LAMC1: variants seen among roughly 807,000 people sequenced by gnomAD.
LAMC1 encodes laminin subunit gamma-1.
Under a neutral mutation model 173.6 loss-of-function variants are expected in LAMC1, and 38 were observed. The observed-to-expected ratio is 0.22, with a 90% confidence interval of 0.17 to 0.29. The LOEUF is 0.29. LAMC1 is among the 10% of genes least tolerant of loss of function. LAMC1 has a pLI of 1.00. For missense variants in LAMC1, 1,824 were observed against 2,051.8 expected (o/e 0.89, Z 2.14); for synonymous variants, 746 against 749.1 (o/e 1.00, Z 0.07).
At position 183,024,019 on chromosome 1, in the gene LAMC1, C is replaced by T. The variant is rs751773899; in HGVS notation, c.303C>T (p.His101=). The T allele has an allele frequency of 1.6e-5, 26 of 1,612,936 alleles. No individual in the cohort carries two copies. The Admixed American group carries it at 2.8e-4, about 18-fold the overall frequency. Reference sequence around the variant, plus strand: ...ACGCCGGGCAGCCCCACCTGCAGCACGGGGCAGCCTTCCTGACCGACTACA... The same window carrying T: ...ACGCCGGGCAGCCCCACCTGCAGCATGGGGCAGCCTTCCTGACCGACTACA... ...LCDAGQPHLQ[H]GAAFLTDYNN... is the part of the protein sequence containing the mutation. Residue 101 remains histidine (H), a synonymous_variant, in exon 1 of 28, where the codon CAC becomes CAT. Transcript: ENST00000258341.
chr1:183,123,359 C>G (rs1482917756), intron 13 of LAMC1, among the ~76,000 whole-genome samples: 1 of 152,154 alleles, frequency 6.6e-6, no homozygotes, highest in Non-Finnish European at 1.5e-5. Context: ...ACAATGGCTC[C>G]AATCTCAACA....
intron 1 of LAMC1, among the ~76,000 whole-genome samples, chr1:183,062,310 T>C (rs1434177546): frequency 2.0e-5 from 3 of 152,232 alleles, no homozygotes; most frequent in Admixed American, 1.3e-4. Context: ...TGTGGAACTT[T>C]AATAGCTTTT....
At chr1:183,074,892 C>G (rs1164217722) in intron 1 of LAMC1, among the ~76,000 whole-genome samples, 1 of 152,036 alleles carries the variant, frequency 6.6e-6, no homozygotes, top group African/African-American at 2.4e-5. Flanking sequence ...ATTTATCTAC[C>G]TTGGGTATAT....
At chr1:183,034,419 C>T (rs928402090) in intron 1 of LAMC1, among the ~76,000 whole-genome samples, 1 of 152,154 alleles carries the variant, frequency 6.6e-6, no homozygotes, top group African/African-American at 2.4e-5. Context: ...TCTACAGGTG[C>T]ATGACACCAT....
At chr1:183,034,044 A>T (rs1011837746) in intron 1 of LAMC1, among the ~76,000 whole-genome samples, 3 of 152,138 alleles carry the variant, frequency 2.0e-5, no homozygotes, top group Non-Finnish European at 2.9e-5. Flanking sequence ...ATCTGAAAAG[A>T]TCTACCCACT....
In LAMC1 at chr1:183,114,546, G is replaced by T. The variant is rs1656262944; in HGVS notation, c.1037G>T (p.Gly346Val). Residue 346 changes from glycine (G) to valine (V), a missense_variant, in exon 5 of 28, where the codon GGT (glycine) becomes GTT (valine). By Grantham distance (109) the Gly-to-Val change is moderately radical (BLOSUM62 -3). Coordinates refer to ENST00000258341, the MANE Select transcript of LAMC1 (RefSeq NM_002293.4). The part of the protein sequence containing the change: ...ASECLPCDCN[G>V]RSQECYFDPE... Reference sequence around the variant, plus strand: ...TGACTGACAGCCTGTGATTGCAATGGTCGATCCCAGGAATGCTACTTCGAC... The same window carrying T: ...TGACTGACAGCCTGTGATTGCAATGTTCGATCCCAGGAATGCTACTTCGAC... 6.2e-7 allele frequency: 1 copy of T among 1,614,182 alleles called. No homozygotes were observed. The highest frequency in any genetic ancestry group is 2.2e-5 in the East Asian group (1 of 44,884).
At chr1:183,032,872 A>G (rs1290625908) in intron 1 of LAMC1, among the ~76,000 whole-genome samples, 1 of 152,140 alleles carries the variant, frequency 6.6e-6, no homozygotes, top group African/African-American at 2.4e-5. Context: ...GTTAATGACC[A>G]GTCTCTTTTT....
intron 11 of LAMC1, among the ~76,000 whole-genome samples, chr1:183,120,556 A>G (rs1656442910): frequency 6.6e-6 from 1 of 152,240 alleles, no homozygotes; most frequent in Admixed American, 6.5e-5. Flanking sequence ...CATGAAAAAT[A>G]CGCTTTAAGC....
intron 1 of LAMC1, among the ~76,000 whole-genome samples, chr1:183,067,747 C>T (rs1654911546): frequency 6.6e-6 from 1 of 152,120 alleles, no homozygotes; most frequent in Non-Finnish European, 1.5e-5. Flanking sequence ...GCCTTGGCCT[C>T]CCAAAGTACT....
chr1:183,028,315 A>T (rs1000189307), intron 1 of LAMC1, among the ~76,000 whole-genome samples: 1 of 152,234 alleles, frequency 6.6e-6, no homozygotes, highest in Admixed American at 6.5e-5. Flanking sequence ...ATATTCTGCA[A>T]ACATTTTAAA....
In LAMC1 at chr1:183,117,590, C is replaced by A. The variant is rs866469269; in HGVS notation, c.1744C>A (p.Arg582=). 3 of 1,614,168 alleles carry A rather than the reference C, an allele frequency of 1.9e-6. No homozygotes were observed. Among genetic ancestry groups the A allele is most frequent in the South Asian group, 2.2e-5 (2 of 91,086 alleles). ...TGGTCAGAACCTCTCCTTCTCCTTT[C>A]GAGTGGACAGGCGAGATACTCGCCT... ...SYGQNLSFSF[R]VDRRDTRLSA... is the part of the protein sequence containing the mutation. The change falls in exon 10 of 28, where the codon CGA becomes AGA. Residue 582 remains arginine (R), a synonymous_variant. Coordinates refer to ENST00000258341, the MANE Select transcript of LAMC1 (RefSeq NM_002293.4).
chr1:183,034,496 C>T (rs1392916555), intron 1 of LAMC1, among the ~76,000 whole-genome samples: 3 of 152,148 alleles, frequency 2.0e-5, no homozygotes, highest in Non-Finnish European at 4.4e-5. Context: ...TTGTCTCGAA[C>T]TCCTGACCTC....
chr1:183,078,664 G>A (rs1355281343), intron 1 of LAMC1, among the ~76,000 whole-genome samples: 1 of 151,954 alleles, frequency 6.6e-6, no homozygotes, highest in African/African-American at 2.4e-5. Flanking sequence ...GAAGGGGATC[G>A]TGACATGTAA....
chr1:183,030,267 C>G (rs184515526), intron 1 of LAMC1, among the ~76,000 whole-genome samples: 78 of 152,308 alleles, frequency 5.1e-4, no homozygotes, highest in African/African-American at 1.4e-3. Context: ...CTATCTGGCT[C>G]TCATAGCACA....
intron 1 of LAMC1, among the ~76,000 whole-genome samples, chr1:183,058,946 T>C (rs1303733055): frequency 6.6e-6 from 1 of 152,250 alleles, no homozygotes; most frequent in Non-Finnish European, 1.5e-5. Context: ...CTATATGTTG[T>C]TCTGTTTTAT....
chr1:183,114,740 T>C lies in LAMC1; in HGVS notation c.1210+21T>C, dbSNP rs375131601. 24 of 1,606,520 alleles carry C rather than the reference T, an allele frequency of 1.5e-5. No individual in the cohort carries two copies. In the African/African-American group the frequency reaches 2.4e-4, roughly 16 times the overall value. On this transcript the variant is annotated intron_variant, in intron 5 of 27. Transcript: ENST00000258341. The stretch of plus-strand genomic sequence containing the variant: ...TGTGGGTAAGTGACAGGAAGATGGA[T>C]TGAAAGACAAAATGATAGTTCCGTG...
Position 183,115,643 on chromosome 1 carries a change from A to G in LAMC1, c.1328+6A>G, listed in dbSNP as rs200671087. On this transcript the variant is annotated splice_donor_region_variant and intron_variant, in intron 6 of 27. Coordinates refer to ENST00000258341, the MANE Select transcript of LAMC1 (RefSeq NM_002293.4). ...CTCACTGAAGCAGGATGCAGGTAAA[A>G]TATTTTCAAAGCCAGAAGAAGGGGG... 4.4e-5 allele frequency: 70 copies of G among 1,586,480 alleles called. No individual in the cohort carries two copies. In the East Asian group the frequency reaches 1.3e-3, roughly 30 times the overall value.
intron 1 of LAMC1, among the ~76,000 whole-genome samples, chr1:183,091,069 T>C (rs1201363638): frequency 6.6e-6 from 1 of 152,172 alleles, no homozygotes; most frequent in Non-Finnish European, 1.5e-5. Context: ...GGGTATCAAA[T>C]GTAATGGAAT....
chr1:183,114,772 C>A, intron 5 of LAMC1, 53 bp downstream of exon 5: 1 of 1,551,716 alleles, frequency 6.4e-7, no homozygotes, highest in Non-Finnish European at 8.8e-7. Context: ...CGTGGACCCC[C>A]GGAAAGGAAA....
Sources: gnomAD v4.1 joint callset for allele counts (sites outside exome capture counted in the v4.1 genomes callset) on GRCh38, gnomAD v4.1.1 for gene constraint, MANE v1.5 for transcripts, NCBI Gene and HGNC (gene_info 2026-07-23, HGNC 2026-07-21) for gene names.